The following BAZ2A variants were observed in gnomAD, a reference collection of about 807,000 sequenced individuals.
The protein encoded by BAZ2A is bromodomain adjacent to zinc finger domain protein 2A.
Under a neutral mutation model 199.9 loss-of-function variants are expected in BAZ2A, and 34 were observed. The ratio of observed to expected loss-of-function variants is 0.17; its 90% confidence interval spans 0.13 to 0.23. The LOEUF is 0.23. BAZ2A is among the 10% of genes least tolerant of loss of function. The pLI, the probability that BAZ2A is intolerant of heterozygous loss-of-function variation, is 1.00. For missense variants in BAZ2A, 2,002 were observed against 2,391.1 expected (o/e 0.84, Z 3.39); for synonymous variants, 857 against 883.9 (o/e 0.97, Z 0.54).
chr12:56,607,360 C>T (rs1950395244), intron 10 of BAZ2A, among the ~76,000 whole-genome samples: 1 of 152,162 alleles, frequency 6.6e-6, no homozygotes, highest in Non-Finnish European at 1.5e-5. Flanking sequence ...ATGTTTCTGA[C>T]ATGACTATAT....
chr12:56,627,136 G>C (rs1951120761), intron 1 of BAZ2A, among the ~76,000 whole-genome samples: 1 of 152,192 alleles, frequency 6.6e-6, no homozygotes, highest in Admixed American at 6.5e-5. Context: ...ATAGTGAAAA[G>C]ATGATTTAAA....
At chr12:56,600,910 T>C in intron 22 of BAZ2A, 33 bp downstream of exon 22, 1 of 1,612,524 alleles carries the variant, frequency 6.2e-7, no homozygotes, top group Non-Finnish European at 8.5e-7. Flanking sequence ...TCCTGGGCTC[T>C]TCAGCTCAAG....
Position 56,598,823 on chromosome 12 carries a change from T to C in BAZ2A, c.5547-40A>G. The C allele has an allele frequency of 1.2e-6, 2 of 1,609,174 alleles. No individual in the cohort carries two copies. Among genetic ancestry groups the C allele is most frequent in the Non-Finnish European group, 1.7e-6 (2 of 1,177,566 alleles). On this transcript the variant is annotated intron_variant, in intron 28 of 28. Transcript: ENST00000549884. ...GGCAAAACTGTGAGCTGGGTAGGAG[T>C]TGCAGCAGTAGCAAAGACCGGGCGG...
intron 7 of BAZ2A, among the ~76,000 whole-genome samples, chr12:56,611,124 C>T (rs1049148995): frequency 1.3e-5 from 2 of 152,174 alleles, no homozygotes; most frequent in African/African-American, 2.4e-5. Context: ...CCACAAGGCC[C>T]TGGTGTCAGC....
chr12:56,634,294 C>G (rs1592638144), upstream of BAZ2A, among the ~76,000 whole-genome samples: 2 of 152,156 alleles, frequency 1.3e-5, no homozygotes, highest in African/African-American at 4.8e-5. Flanking sequence ...GCACAAGATT[C>G]CGGCAGCGCC....
intron 1 of BAZ2A, among the ~76,000 whole-genome samples, chr12:56,622,141 C>T (rs1056820771): frequency 1.3e-5 from 2 of 152,054 alleles, no homozygotes; most frequent in African/African-American, 4.8e-5. Context: ...GAGTTCGAAA[C>T]CAGCCTGGCC....
chr12:56,610,351 C>A, intron 8 of BAZ2A, 58 bp downstream of exon 8: 1 of 1,587,224 alleles, frequency 6.3e-7, no homozygotes, highest in Non-Finnish European at 8.6e-7. Flanking sequence ...GAGTCTTGGG[C>A]AGTGGAAAGG....
At chr12:56,607,618 G>GTCTCAGCC (rs1415541865) in intron 10 of BAZ2A, among the ~76,000 whole-genome samples, 1 of 152,128 alleles carries the variant, frequency 6.6e-6, no homozygotes, top group African/African-American at 2.4e-5. Flanking sequence ...TGATCCGCTG[G>GTCTCAGCC]TCTCAGCCTC....
Position 56,635,529 on chromosome 12 carries a change from C to CT in BAZ2A, c.4+652dup, listed in dbSNP as rs747652840. Among the ~76,000 whole-genome samples the CT allele has an allele frequency of 2.6e-5, 4 of 152,240 alleles. No homozygotes were observed. The highest frequency in any genetic ancestry group is 5.9e-5 in the Non-Finnish European group (4 of 67,992). The stretch of plus-strand genomic sequence containing the variant: ...AGGAAGCCACGAAGGCAAAAACCTC[C>CT]TATCCTCTCAACCTCAATCCTGCGT... On this transcript the variant is annotated intron_variant, in intron 1 of 29. Coordinates refer to the BAZ2A transcript ENST00000379441. This position sits in a 1 kb window ranked among gnomAD's most constrained non-coding sequence, Gnocchi z 4.1.
In BAZ2A at chr12:56,610,415, C is replaced by G; in HGVS notation, c.1773G>C (p.Val591=). 6.2e-7 allele frequency: 1 copy of G among 1,613,672 alleles called. No homozygotes were observed. Among genetic ancestry groups the G allele is most frequent in the Non-Finnish European group, 8.5e-7 (1 of 1,179,756 alleles). Residue 591 remains valine, a synonymous_variant, in exon 8 of 29, where the codon GTG becomes GTC. Transcript: ENST00000549884. ...CGKRMKQFPE[V]IKYLSRNVVH... ...TTAAAAAAAGCTACATTACCTTGATCACTTCTGGAAATTGCTTCATCCTCT... is the reference window on the plus strand; with the variant it reads ...TTAAAAAAAGCTACATTACCTTGATGACTTCTGGAAATTGCTTCATCCTCT...
At chr12:56,627,285 G>A (rs1951125148) in intron 1 of BAZ2A, among the ~76,000 whole-genome samples, 1 of 151,820 alleles carries the variant, frequency 6.6e-6, no homozygotes, top group South Asian at 2.1e-4. Flanking sequence ...TGACCAACAT[G>A]GTGAAACCCC....
upstream of BAZ2A, among the ~76,000 whole-genome samples, chr12:56,632,276 TG>T (rs1951333079): frequency 6.6e-6 from 1 of 152,064 alleles, no homozygotes; most frequent in Non-Finnish European, 1.5e-5. Context: ...TTAAGGCAGG[TG>T]AAGAAAGGCA....
upstream of BAZ2A, among the ~76,000 whole-genome samples, chr12:56,632,637 G>A (rs1007422578): frequency 2.6e-5 from 4 of 152,224 alleles, no homozygotes; most frequent in African/African-American, 9.6e-5. Context: ...CGGTTAGGAA[G>A]AGGGGTGTTG....
At chr12:56,601,509 T>A (rs1184808982) in intron 20 of BAZ2A, 37 bp downstream of exon 20, 1 of 1,601,212 alleles carries the variant, frequency 6.2e-7, no homozygotes, top group Non-Finnish European at 8.5e-7. Flanking sequence ...TGTGGCAAGA[T>A]GAAATCAAGT....
At chr12:56,615,646 T>C (rs1252665015) in intron 2 of BAZ2A, 39 bp from the exon 3 acceptor site, 7 of 1,442,352 alleles carry the variant, frequency 4.9e-6, no homozygotes, top group African/African-American at 2.9e-5. Context: ...TACAGATATG[T>C]AGGCAAGCAA....
chr12:56,633,022 A>G (rs556065073), upstream of BAZ2A, among the ~76,000 whole-genome samples: 32 of 152,226 alleles, frequency 2.1e-4, no homozygotes, highest in East Asian at 5.8e-3. Flanking sequence ...GAAGGGGCAA[A>G]TGGTCATTTT....
At chr12:56,637,260 G>A (rs1168197193), upstream of BAZ2A, among the ~76,000 whole-genome samples, 1 of 152,178 alleles carries the variant, frequency 6.6e-6, no homozygotes, top group Non-Finnish European at 1.5e-5. Flanking sequence ...ATCTGACCTT[G>A]CACGCTTCTT....
In BAZ2A at chr12:56,603,342, G is replaced by A; in HGVS notation, c.3279+17C>T. ...CAGCCCATATCTCCAACTCTTGGGA[G>A]GTTAGAAGCACAATACCTTGCTGAG... On this transcript the variant is annotated intron_variant, in intron 18 of 28. Coordinates refer to ENST00000549884, the MANE Select transcript of BAZ2A (RefSeq NM_001300905.2). 2 of 1,612,822 alleles carry A rather than the reference G, an allele frequency of 1.2e-6. No individual in the cohort carries two copies. Among genetic ancestry groups the A allele is most frequent in the Non-Finnish European group, 1.7e-6 (2 of 1,178,944 alleles).
chr12:56,617,562 A>G, intron 1 of BAZ2A, 30 bp from the exon 2 acceptor site: 1 of 1,590,514 alleles, frequency 6.3e-7, no homozygotes, highest in Non-Finnish European at 8.6e-7. Flanking sequence ...GGGAAAAAAA[A>G]TACTGGCGGT....
Sources: allele counts gnomAD v4.1 joint callset (sites outside exome capture counted in the v4.1 genomes callset), GRCh38; gene constraint gnomAD v4.1.1; non-coding constraint Gnocchi (gnomAD v3.1); transcripts MANE v1.5; gene names NCBI Gene and HGNC (gene_info 2026-07-23, HGNC 2026-07-21).